The following CT45A10 variants were observed in gnomAD, a reference collection of about 807,000 sequenced individuals.
CT45A10 encodes cancer/testis antigen family 45 member A10.
A neutral mutation model predicts 8.3 loss-of-function variants in CT45A10; 19 were observed. The ratio of observed to expected loss-of-function variants is 2.30; its 90% CI spans 1.61 to 3.38. The LOEUF (loss-of-function observed/expected upper bound fraction) is 3.38. CT45A10 is among the 30% of genes most tolerant of loss of function. The pLI, the probability that CT45A10 is intolerant of heterozygous loss-of-function variation, is 0.00. For missense variants in CT45A10, 149 were observed against 85.9 expected (o/e 1.73, Z -2.90); for synonymous variants, 28 against 26.5 (o/e 1.06, Z -0.17).
At position 135,882,594 on chromosome X, in the gene CT45A10, G is replaced by C. The variant is rs1205335069; in HGVS notation, c.454C>G (p.Gln152Glu). The change falls in exon 4 of 5, where the codon CAA becomes GAA. Residue 152 changes from glutamine to glutamate, a missense_variant. Gln to Glu is a conservative substitution (Grantham distance 29, BLOSUM62 2). Coordinates refer to ENST00000682849, the MANE Select transcript of CT45A10 (RefSeq NM_001291529.2). Reference sequence around the variant, plus strand: ...CGTTTCCTGACTGCAGTAGGTCCTTGCACTCCTTCAAGCATTTCGAAGATT... The same window carrying C: ...CGTTTCCTGACTGCAGTAGGTCCTTCCACTCCTTCAAGCATTTCGAAGATT... The part of the protein sequence containing the change: ...EKIFEMLEGV[Q>E]GPTAVRKRFF... 2.5e-5 allele frequency: 29 copies of C among 1,154,786 alleles called. 1 individual carries two copies. The highest frequency in any genetic ancestry group is 3.0e-5 in the Non-Finnish European group (26 of 868,559).
rs1221628826 is a variant in CT45A10, at chrX:135,890,782, A to T, written c.-7+2563T>A. On this transcript the variant is annotated intron_variant, in intron 1 of 4. Transcript: ENST00000682849. ...AACAAAATTTTTTCTGAAAATTGACAAACAGATAATTGTTTTAAGTATGTG... is the reference window on the plus strand; with the variant it reads ...AACAAAATTTTTTCTGAAAATTGACTAACAGATAATTGTTTTAAGTATGTG... Among the ~76,000 whole-genome samples the T allele has an allele frequency of 3.6e-5, 4 of 112,450 alleles. No homozygotes were observed. The Admixed American group carries it at 3.8e-4, about 11-fold the overall frequency.
chrX:135,890,160 C>T (rs575132499), intron 1 of CT45A10, among the ~76,000 whole-genome samples: 5 of 112,269 alleles, frequency 4.5e-5, no homozygotes, highest in South Asian at 7.3e-4. Flanking sequence ...TGCTCCCAGC[C>T]GAATAAACCA....
intron 1 of CT45A10, among the ~76,000 whole-genome samples, chrX:135,893,114 G>A (rs889225652): frequency 9.1e-5 from 10 of 110,025 alleles, no homozygotes; most frequent in Admixed American, 5.8e-4. Context: ...AAAGCCCCCC[G>A]GACCCACAAC....
chrX:135,887,664 A>G (rs1266810150), intron 1 of CT45A10, among the ~76,000 whole-genome samples: 24 of 109,837 alleles, frequency 2.2e-4, no homozygotes, highest in Non-Finnish European at 4.0e-4. Flanking sequence ...AAAAAAGAAA[A>G]CAATAAATAG....
At chrX:135,892,935 C>G (rs983893458) in intron 1 of CT45A10, among the ~76,000 whole-genome samples, 4 of 109,843 alleles carry the variant, frequency 3.6e-5, no homozygotes, top group Non-Finnish European at 7.6e-5. Flanking sequence ...GGCCCTTGAA[C>G]ATAGACAGAG....
chrX:135,883,172 A>G lies in CT45A10; in HGVS notation c.254T>C (p.Met85Thr). ...AGGTGCATTGCTACCAGGTTTCTGC[A>G]TCATCCCATCTTTGCTGAAACCAGT... ...DFTGFSKDGM[M>T]QKPGSNAPVG... Residue 85 changes from methionine (M) to threonine (T), a missense_variant, in exon 3 of 5, where the codon ATG (methionine) becomes ACG (threonine). Physicochemically the swap from Met to Thr is moderately conservative, Grantham distance 81. Transcript: ENST00000682849. The G allele has an allele frequency of 8.3e-7, 1 of 1,198,640 alleles. No individual in the cohort carries two copies. The highest frequency in any genetic ancestry group is 1.1e-6 in the Non-Finnish European group (1 of 885,905).
At chrX:135,889,830 G>GAA (rs10684169) in intron 1 of CT45A10, among the ~76,000 whole-genome samples, 38 of 96,374 alleles carry the variant, frequency 3.9e-4, no homozygotes, top group African/African-American at 1.1e-3. Flanking sequence ...CAAAAAGTTG[G>GAA]AAAAAAAAAA....
intron 1 of CT45A10, among the ~76,000 whole-genome samples, chrX:135,892,220 C>T (rs782057434): frequency 7.2e-5 from 8 of 110,604 alleles, no homozygotes; most frequent in African/African-American, 9.9e-5. Flanking sequence ...TACTGAGGCA[C>T]GAGAATCGAG....
chrX:135,893,101 A>G (rs2088524660), intron 1 of CT45A10, among the ~76,000 whole-genome samples: 2 of 110,163 alleles, frequency 1.8e-5, no homozygotes, highest in Admixed American at 1.9e-4. Flanking sequence ...GGAGCCCCCA[A>G]GAAAAGCCCC....
intron 1 of CT45A10, among the ~76,000 whole-genome samples, chrX:135,890,883 T>C (rs1409611674): frequency 8.9e-6 from 1 of 111,840 alleles, no homozygotes; most frequent in Non-Finnish European, 1.9e-5. Flanking sequence ...CTACTAAATA[T>C]GAGATTTACT....
chrX:135,891,956 C>T (rs1036744389), intron 1 of CT45A10, among the ~76,000 whole-genome samples: 2 of 108,958 alleles, frequency 1.8e-5, no homozygotes, highest in Non-Finnish European at 3.8e-5. Context: ...CAGAAAAGAC[C>T]TCAAAGGGAA....
intron 1 of CT45A10, among the ~76,000 whole-genome samples, chrX:135,892,118 C>T (rs1035542270): frequency 3.6e-5 from 4 of 110,466 alleles, no homozygotes; most frequent in African/African-American, 6.6e-5. Flanking sequence ...TCCAGGAGTT[C>T]GAGACCAGCC....
rs1205335069 is a variant in CT45A10, at chrX:135,882,594, G to A, written c.454C>T (p.Gln152Ter). ...CGTTTCCTGACTGCAGTAGGTCCTT[G>A]CACTCCTTCAAGCATTTCGAAGATT... The part of the protein sequence containing the change: ...EKIFEMLEGV[Q>*]GPTAVRKRFF... The change falls in exon 4 of 5, where the codon CAA (glutamine) becomes TAA (stop). Residue 152 changes from glutamine (Q) to a stop codon, truncating the protein, a stop_gained. Transcript: ENST00000682849. LOFTEE classifies it high-confidence loss of function. The A allele has an allele frequency of 3.5e-6, 4 of 1,154,786 alleles. No individual in the cohort carries two copies. Among genetic ancestry groups the A allele is most frequent in the Non-Finnish European group, 4.6e-6 (4 of 868,559 alleles).
At chrX:135,890,408 G>A (rs1175315705) in intron 1 of CT45A10, among the ~76,000 whole-genome samples, 1 of 112,288 alleles carries the variant, frequency 8.9e-6, no homozygotes, top group Non-Finnish European at 1.9e-5. Flanking sequence ...AGGCCCCCGC[G>A]GAGGATCAAC....
At chrX:135,893,227 A>C (rs1217379789) in intron 1 of CT45A10, among the ~76,000 whole-genome samples, 118 bp downstream of exon 1, 2 of 111,180 alleles carry the variant, frequency 1.8e-5, no homozygotes, top group Non-Finnish European at 3.8e-5. Context: ...GAACCCTACC[A>C]CACACCCGAC....
intron 1 of CT45A10, among the ~76,000 whole-genome samples, chrX:135,890,015 G>GC (rs782546773): frequency 1.3e-4 from 15 of 111,515 alleles, no homozygotes; most frequent in Non-Finnish European, 2.3e-4. Context: ...GCTGCATGTA[G>GC]CCCCCAGTCA....
rs1485531022 is a variant in CT45A10 at position 135,883,136 on chromosome X, T to C, written c.290A>G (p.Asn97Ser). ...KPGSNAPVGG[N>S]VTSNFSGDDL... is the part of the protein sequence containing the mutation. Reference sequence around the variant, plus strand: ...ATCTCCAGAGAAATTGCTGGTAACGTTTCCTCCCACAGGTGCATTGCTACC... The same window carrying C: ...ATCTCCAGAGAAATTGCTGGTAACGCTTCCTCCCACAGGTGCATTGCTACC... Residue 97 changes from asparagine (N) to serine (S), a missense_variant, in exon 3 of 5, where the codon AAC (asparagine) becomes AGC (serine). Coordinates refer to ENST00000682849, the MANE Select transcript of CT45A10 (RefSeq NM_001291529.2). The C allele has an allele frequency of 1.0e-5, 12 of 1,197,347 alleles. No homozygotes were observed. The highest frequency in any genetic ancestry group is 1.8e-5 in the African/African-American group (1 of 56,473).
chrX:135,883,037 A>G lies in CT45A10; in HGVS notation c.389T>C (p.Val130Ala). Reference protein sequence around the residue: ...QEINADIKCQVVKEIRCLGRK... With the variant: ...QEINADIKCQAVKEIRCLGRK... ...TCCAAGGCATCGGATTTCCTTCACTACTTGACATTTTATATCAGCATTAAT... is the reference window on the plus strand; with the variant it reads ...TCCAAGGCATCGGATTTCCTTCACTGCTTGACATTTTATATCAGCATTAAT... The change falls in exon 3 of 5, where the codon GTA becomes GCA. Residue 130 changes from valine (V) to alanine (A), a missense_variant. Transcript: ENST00000682849. 5 of 1,198,528 alleles carry G rather than the reference A, an allele frequency of 4.2e-6. No homozygotes were observed. The highest frequency in any genetic ancestry group is 5.6e-6 in the Non-Finnish European group (5 of 885,632).
chrX:135,886,750 T>G (rs1404924855), intron 1 of CT45A10, among the ~76,000 whole-genome samples: 3 of 91,431 alleles, frequency 3.3e-5, no homozygotes, highest in African/African-American at 1.2e-4. Flanking sequence ...AAATATTCTT[T>G]CCATGCATTG....
Sources: allele counts gnomAD v4.1 joint callset (sites outside exome capture counted in the v4.1 genomes callset), GRCh38; gene constraint gnomAD v4.1.1; transcripts MANE v1.5; gene names NCBI Gene and HGNC (gene_info 2026-07-23, HGNC 2026-07-21).